COMMD1: variants seen among roughly 807,000 people sequenced by gnomAD.
The protein encoded by COMMD1 is COMM domain-containing protein 1.
Under a neutral mutation model 17.2 loss-of-function variants are expected in COMMD1, and 10 were observed. The ratio of observed to expected loss-of-function variants is 0.58; its 90% CI spans 0.36 to 0.99. COMMD1 has a LOEUF of 0.99. Ranked by LOEUF, COMMD1 falls within the 50% of genes least tolerant of loss-of-function variation. The pLI, the probability that COMMD1 is intolerant of heterozygous loss-of-function variation, is 0.01. For missense variants in COMMD1, 270 were observed against 231.8 expected, an observed-to-expected ratio of 1.17 and a Z score of -1.07; for synonymous variants, 97 against 91.6, an observed-to-expected ratio of 1.06 and a Z score of -0.34.
intron 2 of COMMD1, among the ~76,000 whole-genome samples, chr2:62,015,395 A>G (rs994893781): frequency 2.0e-5 from 3 of 152,234 alleles, no homozygotes; most frequent in African/African-American, 7.2e-5. Context: ...TTGTGTACAT[A>G]TACCACATTT....
chr2:61,967,656 A>G (rs1407742215), intron 1 of COMMD1, among the ~76,000 whole-genome samples: 1 of 152,246 alleles, frequency 6.6e-6, no homozygotes, highest in Non-Finnish European at 1.5e-5. Flanking sequence ...AAGTGGGATC[A>G]TAAAGCTGAA....
intron 2 of COMMD1, among the ~76,000 whole-genome samples, chr2:62,007,351 G>A (rs946507272): frequency 1.3e-5 from 2 of 152,092 alleles, no homozygotes; most frequent in African/African-American, 4.8e-5. Flanking sequence ...AATCAAAATA[G>A]GTTGGGTTCT....
chr2:62,086,186 A>G (rs1258874097), intron 2 of COMMD1, among the ~76,000 whole-genome samples: 1 of 151,944 alleles, frequency 6.6e-6, no homozygotes, highest in Non-Finnish European at 1.5e-5. Flanking sequence ...TGTCTCAGAA[A>G]ACAAAAAAGA....
intron 2 of COMMD1, among the ~76,000 whole-genome samples, chr2:62,078,830 T>C (rs1282383303): frequency 6.6e-6 from 1 of 150,942 alleles, no homozygotes; most frequent in East Asian, 1.9e-4. Flanking sequence ...TGAGCCAAGA[T>C]TGCGCCACTG....
At chr2:62,079,318 T>C (rs1232607431) in intron 2 of COMMD1, among the ~76,000 whole-genome samples, 2 of 152,188 alleles carry the variant, frequency 1.3e-5, no homozygotes, top group African/African-American at 4.8e-5. Flanking sequence ...GATAAAAAGA[T>C]CATGGGGGGA....
chr2:61,930,617 T>TTTTGTG (rs1295676718), intron 1 of COMMD1, among the ~76,000 whole-genome samples: 2 of 146,056 alleles, frequency 1.4e-5, no homozygotes, highest in Admixed American at 1.4e-4. Context: ...CCACAGGGTT[T>TTTTGTG]TGTGTGTGTG....
chr2:62,041,127 C>T (rs1472032667), intron 2 of COMMD1, among the ~76,000 whole-genome samples: 1 of 152,206 alleles, frequency 6.6e-6, no homozygotes, highest in Non-Finnish European at 1.5e-5. Context: ...TCTAGATATT[C>T]ATGACTTATA....
intron 2 of COMMD1, among the ~76,000 whole-genome samples, chr2:62,005,402 G>T (rs146554322): frequency 6.6e-6 from 1 of 152,182 alleles, no homozygotes; most frequent in African/African-American, 2.4e-5. Context: ...TGTTCAGTTT[G>T]TCTGTATTAC....
intron 1 of COMMD1, among the ~76,000 whole-genome samples, chr2:61,986,106 T>G (rs561460291): frequency 6.6e-5 from 10 of 152,258 alleles, no homozygotes; most frequent in African/African-American, 1.9e-4. Context: ...ATCTATTTCC[T>G]CTTCATGTTT....
At chr2:62,108,531 G>T (rs1220777512) in intron 2 of COMMD1, among the ~76,000 whole-genome samples, 5 of 152,074 alleles carry the variant, frequency 3.3e-5, no homozygotes, top group Non-Finnish European at 2.9e-5. Context: ...GTAAATATAG[G>T]GGTTGTTTTA....
intron 1 of COMMD1, among the ~76,000 whole-genome samples, chr2:61,990,994 G>A (rs1367877919): frequency 6.6e-6 from 1 of 151,330 alleles, no homozygotes; most frequent in Non-Finnish European, 1.5e-5. Context: ...AGAAGACTGA[G>A]GTGGAAGGAT....
intron 2 of COMMD1, among the ~76,000 whole-genome samples, chr2:62,089,622 TG>T (rs1671768472): frequency 6.6e-6 from 1 of 152,152 alleles, no homozygotes; most frequent in Admixed American, 6.5e-5. Flanking sequence ...AAACATGTCT[TG>T]GGGTTAAATA....
At chr2:61,965,316 A>C (rs1199974867) in intron 1 of COMMD1, among the ~76,000 whole-genome samples, 3 of 152,218 alleles carry the variant, frequency 2.0e-5, no homozygotes, top group African/African-American at 7.2e-5. Context: ...TTAATTTTGT[A>C]ATTTCAAGAT....
chr2:62,092,301 A>G (rs1420333067), intron 2 of COMMD1, among the ~76,000 whole-genome samples: 2 of 152,200 alleles, frequency 1.3e-5, no homozygotes, highest in African/African-American at 4.8e-5. Flanking sequence ...TAGCAAGGAA[A>G]GTAAGAATGG....
chr2:62,132,139 G>C (rs577185456), intron 2 of COMMD1, among the ~76,000 whole-genome samples: 13 of 145,522 alleles, frequency 8.9e-5, no homozygotes, highest in African/African-American at 3.1e-4. Flanking sequence ...TGCCCGCCTT[G>C]GCTTCCCAAA....
At chr2:61,897,665 C>T (rs1030915639) in intron 1 of COMMD1, among the ~76,000 whole-genome samples, 6 of 152,080 alleles carry the variant, frequency 3.9e-5, no homozygotes, top group Admixed American at 6.6e-5. Context: ...AGGAGAATCG[C>T]GTGAACCCAG....
chr2:62,111,854 C>T (rs1188110600), intron 2 of COMMD1, among the ~76,000 whole-genome samples: 1 of 152,102 alleles, frequency 6.6e-6, no homozygotes, highest in Non-Finnish European at 1.5e-5. Flanking sequence ...ACTTTCAAGT[C>T]CCTTTAGTTC....
At chr2:62,079,258 G>A (rs1671448398) in intron 2 of COMMD1, among the ~76,000 whole-genome samples, 1 of 152,174 alleles carries the variant, frequency 6.6e-6, no homozygotes, top group Non-Finnish European at 1.5e-5. Context: ...GGGCGTTCCT[G>A]AAAGAGAAGG....
At chr2:61,889,768 C>T (rs1424044384) in intron 1 of COMMD1, among the ~76,000 whole-genome samples, 7 of 151,722 alleles carry the variant, frequency 4.6e-5, no homozygotes, top group African/African-American at 1.7e-4. Context: ...TACCACCGCC[C>T]GCTTGTTCTA....
Sources: allele counts gnomAD v4.1 joint callset (sites outside exome capture counted in the v4.1 genomes callset), GRCh38; gene constraint gnomAD v4.1.1; transcripts MANE v1.5; gene names NCBI Gene and HGNC (gene_info 2026-07-23, HGNC 2026-07-21).